The following BSDC1 variants were observed in gnomAD, a reference collection of about 807,000 sequenced individuals.
The protein encoded by BSDC1 is BSD domain-containing protein 1.
BSDC1 carries 29 observed loss-of-function variants against 56.0 expected under a neutral mutation model. That is an observed-to-expected ratio of 0.52 (90% CI 0.39 to 0.71). The LOEUF is 0.71. BSDC1 is among the 30% of genes least tolerant of loss of function. The pLI, the probability that BSDC1 is intolerant of heterozygous loss-of-function variation, is 0.00. For missense variants in BSDC1, 477 were observed against 548.5 expected (o/e 0.87, Z 1.30); for synonymous variants, 210 against 215.3 (o/e 0.98, Z 0.21).
chr1:32,382,257 G>A (rs907068786), intron 4 of BSDC1, among the ~76,000 whole-genome samples: 2 of 149,756 alleles, frequency 1.3e-5, no homozygotes, highest in Admixed American at 1.3e-4. Context: ...AAGTCAATGT[G>A]ATAAAATGCT....
In BSDC1 at chr1:32,378,328, G is replaced by T; in HGVS notation, c.529-45C>A. 1.3e-6 allele frequency: 2 copies of T among 1,573,894 alleles called. No homozygotes were observed. The highest frequency in any genetic ancestry group is 1.7e-6 in the Non-Finnish European group (2 of 1,143,822). On this transcript the variant is annotated intron_variant, in intron 6 of 10. Coordinates refer to ENST00000455895, the MANE Select transcript of BSDC1 (RefSeq NM_018045.8). This position sits in a 1 kb window ranked among gnomAD's most constrained non-coding sequence, Gnocchi z 5.2. ...GAGGTGAGACTTTGGGAGTGTTTGT[G>T]TGGGGTCTGTGTCCCCAGCCTTATC... is the stretch of plus-strand genomic sequence containing the variant.
chr1:32,380,253 A>C (rs1376216473), intron 5 of BSDC1, among the ~76,000 whole-genome samples: 1 of 152,106 alleles, frequency 6.6e-6, no homozygotes, highest in Non-Finnish European at 1.5e-5. Flanking sequence ...GCGTTACTAA[A>C]AGGCGGGTGC....
rs763546418 is a variant in BSDC1 at position 32,383,812 on chromosome 1, G to A, written c.357+18C>T. 2 of 1,610,804 alleles carry A rather than the reference G, an allele frequency of 1.2e-6. No individual in the cohort carries two copies. The highest frequency in any genetic ancestry group is 1.7e-5 in the Admixed American group (1 of 60,018). ...TTACAGATGTTAGGCATCTGCAGGG[G>A]AGACTGTCAGTGAATACCTTGGTGC... On this transcript the variant is annotated intron_variant, in intron 4 of 10. Coordinates refer to ENST00000455895, the MANE Select transcript of BSDC1 (RefSeq NM_018045.8).
At chr1:32,383,470 G>T (rs895184346) in intron 4 of BSDC1, among the ~76,000 whole-genome samples, 1 of 148,322 alleles carries the variant, frequency 6.7e-6, no homozygotes, top group South Asian at 2.1e-4. Context: ...AAAAAAAAAA[G>T]ATGATTAGGA....
Position 32,368,111 on chromosome 1 carries a change from A to G in BSDC1, c.1260+336T>C, listed in dbSNP as rs534673869. The G allele has an allele frequency of 1.1e-3, 1,533 of 1,386,728 alleles. 5 individuals are homozygous for G. Among genetic ancestry groups the G allele is most frequent in the Non-Finnish European group, 1.3e-3 (1,408 of 1,073,870 alleles). 85.9% of individuals were successfully genotyped at this position (1,386,728 alleles called of 1,614,324 possible). ...GGTCTTGAACTCCTCGCCTCAAGCA[A>G]TCCTCCCACCTTGGCCTCCCAAAGT... On this transcript the variant is annotated intron_variant, in intron 10 of 10. Transcript: ENST00000455895.
chr1:32,383,790 CAGAT>C (rs752337157), intron 4 of BSDC1, 36 bp downstream of exon 4: 19 of 1,596,340 alleles, frequency 1.2e-5, no homozygotes, highest in Non-Finnish European at 1.5e-5. Context: ...GCCCAGGTTA[CAGAT>C]GTTAGGCATC....
chr1:32,386,552 A>G (rs1044818330), intron 3 of BSDC1: 1 of 403,658 alleles, frequency 2.5e-6, no homozygotes, highest in African/African-American at 2.1e-5. Flanking sequence ...TGACTTTGCT[A>G]ATGGAAAACA....
intron 10 of BSDC1, 187 bp from the exon 11 acceptor site, chr1:32,366,841 C>G: frequency 1.5e-6 from 2 of 1,332,430 alleles, no homozygotes; most frequent in South Asian, 4.7e-5. Flanking sequence ...TGCCCTCTGC[C>G]TGAGGGGTGG....
At chr1:32,372,830 A>G (rs1642141629) in intron 9 of BSDC1, among the ~76,000 whole-genome samples, 1 of 152,226 alleles carries the variant, frequency 6.6e-6, no homozygotes. Context: ...CAGTTAAGAA[A>G]TAGAGGCAAA....
intron 4 of BSDC1, among the ~76,000 whole-genome samples, chr1:32,382,226 C>CA (rs577563299): frequency 0.02 from 1,209 of 59,762 alleles, 9 homozygotes; most frequent in African/African-American, 0.034. Context: ...GACTCCATCT[C>CA]AAAAAAAAAA....
intron 2 of BSDC1, among the ~76,000 whole-genome samples, chr1:32,390,907 T>C (rs1642844327): frequency 6.6e-6 from 1 of 151,810 alleles, no homozygotes; most frequent in East Asian, 1.9e-4. Flanking sequence ...TGAGAGCCCA[T>C]CTCAAAACAA....
rs1485025514 is a variant in BSDC1 at position 32,378,121 on chromosome 1, A to G, written c.598-73T>C. ...CCTAGACCCTGGTCCTGATCCCACAACTCTTGGCACCCTGTATCCCTTTCT... is the reference window on the plus strand; with the variant it reads ...CCTAGACCCTGGTCCTGATCCCACAGCTCTTGGCACCCTGTATCCCTTTCT... On this transcript the variant is annotated intron_variant, in intron 7 of 10. Transcript: ENST00000455895. This position sits in a 1 kb window ranked among gnomAD's most constrained non-coding sequence, Gnocchi z 5.2. 7 of 1,598,990 alleles carry G rather than the reference A, an allele frequency of 4.4e-6. No homozygotes were observed. Among genetic ancestry groups the G allele is most frequent in the East Asian group, 2.2e-5 (1 of 44,710 alleles).
rs1486075780 is a variant in BSDC1 at position 32,368,455 on chromosome 1, A to G, written c.1252T>C (p.Ser418Pro). The part of the protein sequence containing the change: ...VQMALSKVDA[S>P]GELEDVEWED... ...CCACCAGGCCCACTCACCTCCCCGG[A>G]GGCATCCACTTTGGAAAGTGCCATC... Residue 418 changes from serine to proline, a missense_variant, in exon 10 of 11, where the codon TCC becomes CCC. Transcript: ENST00000455895. 4.3e-6 allele frequency: 7 copies of G among 1,613,950 alleles called. No individual in the cohort carries two copies. The African/African-American group carries it at 5.3e-5, about 12-fold the overall frequency.
At chr1:32,387,033 A>G in intron 2 of BSDC1, 138 bp from the exon 3 acceptor site, 1 of 662,290 alleles carries the variant, frequency 1.5e-6, no homozygotes, top group East Asian at 2.6e-5. Context: ...AACAATGCTC[A>G]TTTGTCCCAA....
chr1:32,386,913 G>A lies in BSDC1; in HGVS notation c.73-18C>T, dbSNP rs745479025. The A allele has an allele frequency of 1.3e-6, 2 of 1,598,320 alleles. No individual in the cohort carries two copies. Among genetic ancestry groups the A allele is most frequent in the South Asian group, 2.2e-5 (2 of 90,692 alleles). Reference sequence around the variant, plus strand: ...TCAGAGGACTGTGGGAAGACAGAGAGGGATGCCAGGGCCAGCTGGCCCCAC... The same window carrying A: ...TCAGAGGACTGTGGGAAGACAGAGAAGGATGCCAGGGCCAGCTGGCCCCAC... On this transcript the variant is annotated intron_variant, in intron 2 of 10. Coordinates refer to ENST00000455895, the MANE Select transcript of BSDC1 (RefSeq NM_018045.8).
chr1:32,381,148 G>T (rs1055033742), intron 5 of BSDC1, 66 bp downstream of exon 5: 3 of 1,546,956 alleles, frequency 1.9e-6, no homozygotes, highest in Admixed American at 1.7e-5. Context: ...GACAAACAGG[G>T]TCTACAACCC....
chr1:32,366,296 T>C lies in BSDC1; in HGVS notation c.*326A>G. On this transcript the variant is annotated 3_prime_UTR_variant, in exon 11 of 11. Coordinates refer to ENST00000455895, the MANE Select transcript of BSDC1 (RefSeq NM_018045.8). ...CAGGCAGAAGGGCTAGAACTATCCC[T>C]TGGGACTTCCCAGCAGGAGTCCTCA... 3.8e-6 allele frequency: 2 copies of C among 531,754 alleles called. No homozygotes were observed. The highest frequency in any genetic ancestry group is 6.9e-6 in the Non-Finnish European group (2 of 288,696). The allele number at this position is 531,754 out of a possible 1,614,324, so 32.9% of individuals were successfully genotyped here.
At chr1:32,388,350 T>TA (rs1294857959) in intron 2 of BSDC1, among the ~76,000 whole-genome samples, 1 of 152,172 alleles carries the variant, frequency 6.6e-6, no homozygotes, top group African/African-American at 2.4e-5. Context: ...GGAGGTCATT[T>TA]ACTTATTTAC....
rs200768243 is a variant in BSDC1 at position 32,376,253 on chromosome 1, C to T, written c.1156+9G>A. The stretch of plus-strand genomic sequence containing the variant: ...ACACAACCCTCTGGGCTTGGACCTC[C>T]AGACCTACCTTTCTTTCCATTGTTG... On this transcript the variant is annotated intron_variant, in intron 9 of 10. Transcript: ENST00000455895. 1 of 1,487,246 alleles carries T rather than the reference C, an allele frequency of 6.7e-7. No individual in the cohort carries two copies. The highest frequency in any genetic ancestry group is 9.0e-7 in the Non-Finnish European group (1 of 1,109,330). 92.1% of individuals were successfully genotyped at this position (1,487,246 alleles called of 1,614,324 possible). A position where few individuals can be genotyped will look rare whatever the true frequency, so the allele number is the denominator to read the frequency against.
Sources: gnomAD v4.1 joint callset for allele counts (sites outside exome capture counted in the v4.1 genomes callset) on GRCh38, gnomAD v4.1.1 for gene constraint, Gnocchi (gnomAD v3.1) non-coding constraint, MANE v1.5 for transcripts, NCBI Gene and HGNC (gene_info 2026-07-23, HGNC 2026-07-21) for gene names.